CIB4: variants seen among roughly 807,000 people sequenced by gnomAD.
The protein encoded by CIB4 is calcium and integrin-binding family member 4.
In CIB4, 25 loss-of-function variants were observed where a neutral mutation model predicts 25.8. The ratio of observed to expected loss-of-function variants is 0.97; its 90% CI spans 0.71 to 1.35. The LOEUF is 1.35. CIB4 is among the 40% of genes most tolerant of loss of function. CIB4 has a pLI of 0.00. For missense variants in CIB4, 235 were observed against 228.2 expected (o/e 1.03, Z -0.19); for synonymous variants, 75 against 81.4 (o/e 0.92, Z 0.42).
chr2:26,613,588 C>T lies in CIB4; in HGVS notation c.186+15822G>A, dbSNP rs1460547986. Reference sequence around the variant, plus strand: ...TTCTGTCATCCAGTCTTCGTAAAAACCCTCTGAAGTAGGCAGGGCTGCTAT... The same window carrying T: ...TTCTGTCATCCAGTCTTCGTAAAAATCCTCTGAAGTAGGCAGGGCTGCTAT... On this transcript the variant is annotated intron_variant, in intron 3 of 6. Coordinates refer to ENST00000288861, the MANE Select transcript of CIB4 (RefSeq NM_001029881.3). Among the ~76,000 whole-genome samples, 5 of 152,350 alleles carry T rather than the reference C, an allele frequency of 3.3e-5. No homozygotes were observed. The East Asian group carries it at 9.6e-4, about 29-fold the overall frequency.
chr2:26,604,799 C>A (rs142593001), intron 3 of CIB4, among the ~76,000 whole-genome samples: 2 of 152,198 alleles, frequency 1.3e-5, no homozygotes, highest in East Asian at 3.9e-4. Context: ...CATTTTGAAT[C>A]CTTTTCAAGA....
At chr2:26,605,401 C>T (rs1440765791) in intron 3 of CIB4, 4 of 440,348 alleles carry the variant, frequency 9.1e-6, no homozygotes, top group Non-Finnish European at 1.9e-5. Flanking sequence ...CCACCCTGTG[C>T]TCCTGGGCTA....
intron 3 of CIB4, among the ~76,000 whole-genome samples, chr2:26,609,706 G>A (rs1319199782): frequency 1.3e-5 from 2 of 152,136 alleles, no homozygotes; most frequent in South Asian, 2.1e-4. Flanking sequence ...GGTCCCAGGC[G>A]CAACAGGGCT....
intron 2 of CIB4, 70 bp from the exon 3 acceptor site, chr2:26,629,576 GGCC>G: frequency 9.3e-7 from 1 of 1,079,136 alleles, no homozygotes; most frequent in Non-Finnish European, 1.4e-6. Flanking sequence ...GGGGAAAGGA[GGCC>G]AGCAAGCCTG....
At chr2:26,592,152 G>A (rs569800970) in intron 4 of CIB4, among the ~76,000 whole-genome samples, 41 of 152,366 alleles carry the variant, frequency 2.7e-4, no homozygotes, top group African/African-American at 9.4e-4. Context: ...CATTTACATA[G>A]GTAAGTTTCT....
At chr2:26,634,172 A>G (rs1048350579) in intron 2 of CIB4, among the ~76,000 whole-genome samples, 1 of 152,222 alleles carries the variant, frequency 6.6e-6, no homozygotes, top group East Asian at 1.9e-4. Flanking sequence ...CAGTATTTCT[A>G]CTGCCCCAGA....
intron 3 of CIB4, among the ~76,000 whole-genome samples, chr2:26,620,978 A>G (rs1271014616): frequency 6.6e-6 from 1 of 152,148 alleles, no homozygotes; most frequent in Non-Finnish European, 1.5e-5. Context: ...GGCAAAGATG[A>G]AAAGTAGGAG....
intron 3 of CIB4, 38 bp from the exon 4 acceptor site, chr2:26,595,355 G>T: frequency 6.3e-7 from 1 of 1,596,302 alleles, no homozygotes; most frequent in South Asian, 1.1e-5. Flanking sequence ...AGGTCTATCA[G>T]GGTCGGGGCT....
At chr2:26,603,486 A>G (rs1259274013) in intron 3 of CIB4, among the ~76,000 whole-genome samples, 1 of 152,204 alleles carries the variant, frequency 6.6e-6, no homozygotes, top group Non-Finnish European at 1.5e-5. Context: ...ACAGGGTGAA[A>G]GGTACACAGT....
chr2:26,587,746 A>T (rs1668485109), intron 4 of CIB4, among the ~76,000 whole-genome samples: 1 of 152,230 alleles, frequency 6.6e-6, no homozygotes, highest in Non-Finnish European at 1.5e-5. Context: ...TTTTATACTA[A>T]GAGGCTCAAT....
intron 5 of CIB4, among the ~76,000 whole-genome samples, chr2:26,583,117 T>C (rs1168180905): frequency 6.6e-6 from 1 of 152,124 alleles, no homozygotes; most frequent in African/African-American, 2.4e-5. Context: ...CTCTCACTCC[T>C]GGGGCCTCCA....
Position 26,641,342 on chromosome 2 carries a change from A to C in CIB4, c.-28T>G. ...CAACCACACCTTTCTGTCTGCCAGC[A>C]GTAGAACCTCAGCCTCAAGGACTCG... On this transcript the variant is annotated 5_prime_UTR_variant, in exon 1 of 7. Coordinates refer to ENST00000288861, the MANE Select transcript of CIB4 (RefSeq NM_001029881.3). 1 of 1,606,454 alleles carries C rather than the reference A, an allele frequency of 6.2e-7. No individual in the cohort carries two copies. Among genetic ancestry groups the C allele is most frequent in the Non-Finnish European group, 8.5e-7 (1 of 1,173,082 alleles).
intron 3 of CIB4, 112 bp downstream of exon 3, chr2:26,629,298 G>A (rs1669369329): frequency 1.4e-6 from 1 of 698,526 alleles, no homozygotes; most frequent in Admixed American, 2.1e-5. Context: ...GGAGTGAGGT[G>A]ACCATCCCAC....
At chr2:26,582,937 G>A (rs774401469) in intron 5 of CIB4, 24 bp from the exon 6 acceptor site, 1 of 1,544,280 alleles carries the variant, frequency 6.5e-7, no homozygotes, top group Non-Finnish European at 8.9e-7. Context: ...ACAGAAGACA[G>A]TTGAGTGGAA....
At chr2:26,595,593 A>G (rs537936346) in intron 3 of CIB4, among the ~76,000 whole-genome samples, 2 of 152,370 alleles carry the variant, frequency 1.3e-5, no homozygotes, top group East Asian at 1.9e-4. Context: ...GCAAATGAAC[A>G]AGAGATTGTC....
At position 26,589,081 on chromosome 2, in the gene CIB4, TTCTTCTTCTTCTTCTTCTTCTTCTTCC is replaced by T. The variant is rs1558554972; in HGVS notation, c.329-5210_329-5184del. Among the ~76,000 whole-genome samples, 51 of 84,148 alleles carry T rather than the reference TTCTTCTTCTTCTTCTTCTTCTTCTTCC, an allele frequency of 6.1e-4. 6 individuals are homozygous for T. Among genetic ancestry groups the T allele is most frequent in the African/African-American group, 2.5e-3 (33 of 13,154 alleles). 55.2% of individuals were successfully genotyped at this position (84,148 alleles called of 152,430 possible). On this transcript the variant is annotated intron_variant, in intron 4 of 6. Coordinates refer to ENST00000288861, the MANE Select transcript of CIB4 (RefSeq NM_001029881.3). ...CTTCCTCTTCCTCTTCCTCTTCTTC[TTCTTCTTCTTCTTCTTCTTCTTCTTCC>T]TCTTCTTCTTCTTCTTCTTCTTCTT... is the stretch of plus-strand genomic sequence containing the variant.
intron 2 of CIB4, among the ~76,000 whole-genome samples, chr2:26,636,517 C>T (rs908403122): frequency 2.6e-5 from 4 of 152,130 alleles, no homozygotes; most frequent in African/African-American, 9.7e-5. Flanking sequence ...CTTTCCAGGC[C>T]GACTGTCCTG....
intron 3 of CIB4, among the ~76,000 whole-genome samples, chr2:26,612,774 T>C (rs1669021020): frequency 6.6e-6 from 1 of 152,118 alleles, no homozygotes; most frequent in African/African-American, 2.4e-5. Context: ...GTGACGACTT[T>C]CCTGAAGGTG....
At chr2:26,589,836 A>AGTGG (rs561548454) in intron 4 of CIB4, among the ~76,000 whole-genome samples, 75 of 152,272 alleles carry the variant, frequency 4.9e-4, no homozygotes, top group Non-Finnish European at 8.5e-4. Flanking sequence ...GTGAAAGGAG[A>AGTGG]GTGGACTTAG....
Sources: gnomAD v4.1 joint callset for allele counts (sites outside exome capture counted in the v4.1 genomes callset) on GRCh38, gnomAD v4.1.1 for gene constraint, MANE v1.5 for transcripts, NCBI Gene and HGNC (gene_info 2026-07-23, HGNC 2026-07-21) for gene names.